The following ABCG2 variants were observed in gnomAD, a reference collection of about 807,000 sequenced individuals.
ABCG2 encodes ATP binding cassette subfamily G member 2 (JR blood group).
ABCG2 carries 80 observed loss-of-function variants against 73.5 expected under a neutral mutation model. The observed-to-expected ratio is 1.09, with a 90% CI of 0.91 to 1.31. The LOEUF (loss-of-function observed/expected upper bound fraction) is 1.31. ABCG2 is among the 50% of genes most tolerant of loss of function. The probability of loss-of-function intolerance (pLI) is 0.00; values close to 1 mark genes in which losing one functional copy is unlikely to be tolerated. For missense variants in ABCG2, 796 were observed against 786.2 expected, an observed-to-expected ratio of 1.01 and a Z score of -0.15; for synonymous variants, 269 against 282.4, an observed-to-expected ratio of 0.95 and a Z score of 0.48.
intron 1 of ABCG2, among the ~76,000 whole-genome samples, chr4:88,141,132 T>C (rs987148359): frequency 1.3e-5 from 2 of 152,134 alleles, no homozygotes; most frequent in African/African-American, 4.8e-5. Flanking sequence ...CTGCCTATGA[T>C]TGAGTTGCTG....
intron 1 of ABCG2, among the ~76,000 whole-genome samples, chr4:88,176,174 T>G (rs1727965619): frequency 6.6e-6 from 1 of 152,084 alleles, no homozygotes. Flanking sequence ...TTTTCTTTTT[T>G]TGTGGAGACA....
At chr4:88,145,810 T>C (rs1456936270) in intron 1 of ABCG2, among the ~76,000 whole-genome samples, 1 of 146,220 alleles carries the variant, frequency 6.8e-6, no homozygotes, top group Non-Finnish European at 1.5e-5. Flanking sequence ...CGTGGTGGTG[T>C]GCATTTTTGA....
At chr4:88,179,429 C>A (rs1057175414) in intron 1 of ABCG2, among the ~76,000 whole-genome samples, 1 of 152,126 alleles carries the variant, frequency 6.6e-6, no homozygotes, top group Non-Finnish European at 1.5e-5. Context: ...ACCTGGAAAG[C>A]CTTCCCAAGA....
chr4:88,172,826 G>A (rs1274192362), intron 1 of ABCG2, among the ~76,000 whole-genome samples: 1 of 152,000 alleles, frequency 6.6e-6, no homozygotes, highest in Non-Finnish European at 1.5e-5. Flanking sequence ...CCCATTCTGA[G>A]CTCCAGACAG....
At chr4:88,100,091 T>G (rs1479332836) in intron 11 of ABCG2, among the ~76,000 whole-genome samples, 1 of 151,758 alleles carries the variant, frequency 6.6e-6, no homozygotes, top group East Asian at 1.9e-4. Flanking sequence ...CCCTTTCTAA[T>G]AATTCCTATA....
Position 88,092,302 on chromosome 4 carries a change from C to T in ABCG2, c.1900G>A (p.Ala634Thr), listed in dbSNP as rs751279458. The part of the protein sequence containing the change: ...WGLWKNHVAL[A>T]CMIVIFLTIA... ...GTGAGGAAAATAACAATCATACAAG[C>T]CAAGGCCACGTGATTCTTCCACAAG... is the stretch of plus-strand genomic sequence containing the variant. Residue 634 changes from alanine to threonine, a missense_variant, in exon 16 of 16, where the codon GCT becomes ACT. By Grantham distance (58) the Ala-to-Thr change is moderately conservative. Coordinates refer to ENST00000237612, the MANE Select transcript of ABCG2 (RefSeq NM_004827.3). 2 of 1,613,700 alleles carry T rather than the reference C, an allele frequency of 1.2e-6. No individual in the cohort carries two copies. The highest frequency in any genetic ancestry group is 2.2e-5 in the South Asian group (2 of 90,982).
rs1391665588 is a variant in ABCG2, at chr4:88,178,607, A to G, written c.-19-38593T>C. 2.6e-5 allele frequency among the ~76,000 whole-genome samples: 4 copies of G among 152,152 alleles called. No individual in the cohort carries two copies. The East Asian group carries it at 7.7e-4, about 29-fold the overall frequency. ...CTCAGCACAGTGAGGTAGAGCACCAAATGGGCTCTTGGGGTCCCTGATTCC... is the reference window on the plus strand; with the variant it reads ...CTCAGCACAGTGAGGTAGAGCACCAGATGGGCTCTTGGGGTCCCTGATTCC... On this transcript the variant is annotated intron_variant, in intron 1 of 15. Coordinates refer to the ABCG2 transcript ENST00000515655.
chr4:88,111,401 A>T (rs960172048), intron 9 of ABCG2, among the ~76,000 whole-genome samples: 3 of 152,180 alleles, frequency 2.0e-5, no homozygotes, highest in African/African-American at 7.2e-5. Context: ...AATTATACGT[A>T]CCAAAAACAT....
At chr4:88,126,275 G>A (rs1724400521) in intron 5 of ABCG2, among the ~76,000 whole-genome samples, 1 of 152,154 alleles carries the variant, frequency 6.6e-6, no homozygotes. Flanking sequence ...TGAAATTGAG[G>A]CAATAATTAA....
At chr4:88,140,404 C>A (rs1725550131) in intron 1 of ABCG2, among the ~76,000 whole-genome samples, 1 of 152,088 alleles carries the variant, frequency 6.6e-6, no homozygotes, top group African/African-American at 2.4e-5. Flanking sequence ...TCATCAGAAT[C>A]TCTGTATTTT....
chr4:88,211,755 G>A (rs1729610404), intron 1 of ABCG2, among the ~76,000 whole-genome samples: 1 of 152,086 alleles, frequency 6.6e-6, no homozygotes, highest in African/African-American at 2.4e-5. Context: ...ATATTTTGGG[G>A]AATACAGCAA....
At chr4:88,109,029 C>T (rs1440404450) in intron 9 of ABCG2, among the ~76,000 whole-genome samples, 4 of 143,834 alleles carry the variant, frequency 2.8e-5, no homozygotes, top group Non-Finnish European at 6.0e-5. Context: ...GAGACAGTCT[C>T]GCACTGTTGC....
chr4:88,192,830 G>A (rs1364099089), intron 1 of ABCG2, among the ~76,000 whole-genome samples: 3 of 151,638 alleles, frequency 2.0e-5, no homozygotes, highest in Non-Finnish European at 1.5e-5. Context: ...TCCTGTCTCA[G>A]CCTCCCAAGT....
Position 88,097,685 on chromosome 4 carries a change from T to A in ABCG2, c.1493-78A>T, listed in dbSNP as rs1722081722. ...TTTGGGATTGCTTATTGTGCAAATT[T>A]AACACTAATATTTTGAGAAACTAAT... On this transcript the variant is annotated intron_variant, in intron 12 of 15. Transcript: ENST00000237612. The A allele has an allele frequency of 3.6e-5, 52 of 1,441,584 alleles. No homozygotes were observed. In the South Asian group the frequency reaches 5.7e-4, roughly 16 times the overall value. 89.3% of individuals were successfully genotyped at this position (1,441,584 alleles called of 1,614,324 possible).
intron 9 of ABCG2, among the ~76,000 whole-genome samples, chr4:88,107,642 G>A (rs973328700): frequency 1.4e-4 from 21 of 152,194 alleles, no homozygotes; most frequent in Non-Finnish European, 2.6e-4. Flanking sequence ...AAGTCCAAGT[G>A]CCTAAGAGTT....
At chr4:88,192,731 A>T (rs1284122169) in intron 1 of ABCG2, among the ~76,000 whole-genome samples, 2 of 118,282 alleles carry the variant, frequency 1.7e-5, no homozygotes, top group Non-Finnish European at 3.5e-5. Context: ...TTTTTTTTTT[A>T]AACGGAGTCT....
intron 1 of ABCG2, among the ~76,000 whole-genome samples, chr4:88,169,019 A>G (rs1182133598): frequency 1.3e-5 from 2 of 151,576 alleles, no homozygotes; most frequent in African/African-American, 4.9e-5. Flanking sequence ...GTGTCTGTTT[A>G]AAACTGTATA....
chr4:88,225,258 G>A (rs540087684), intron 1 of ABCG2, among the ~76,000 whole-genome samples: 1 of 152,310 alleles, frequency 6.6e-6, no homozygotes, highest in Admixed American at 6.5e-5. Context: ...TAGCACTAAA[G>A]CAGTTGTCGA....
At chr4:88,095,023 G>A (rs2725267) in intron 14 of ABCG2, among the ~76,000 whole-genome samples, 115,533 of 152,132 alleles carry the variant, frequency 0.76, 49,139 homozygotes, top group Non-Finnish European at 0.96. Flanking sequence ...ACAATCTTTC[G>A]TTCTTGTTTG....
Sources: allele counts gnomAD v4.1 joint callset (sites outside exome capture counted in the v4.1 genomes callset), GRCh38; gene constraint gnomAD v4.1.1; transcripts MANE v1.5; gene names NCBI Gene and HGNC (gene_info 2026-07-23, HGNC 2026-07-21).